Variants in ZNF69 observed in about 807,000 individuals in gnomAD.
ZNF69 encodes the protein ZNF3.
ZNF69 carries 47 observed loss-of-function variants against 50.9 expected under a neutral mutation model. That is an observed-to-expected ratio of 0.92 (90% CI 0.73 to 1.18). ZNF69 has a LOEUF of 1.18. Ranked by LOEUF, ZNF69 falls within the 50% of genes most tolerant of loss-of-function variation. The probability of loss-of-function intolerance (pLI) is 0.00; values close to 1 mark genes in which losing one functional copy is unlikely to be tolerated. For missense variants in ZNF69, 717 were observed against 675.1 expected (o/e 1.06, Z -0.69); for synonymous variants, 216 against 223.1 (o/e 0.97, Z 0.29).
the ZNF69 span, among the ~76,000 whole-genome samples, chr19:11,958,771 G>A: frequency 2.3e-4 from 35 of 152,198 alleles, no homozygotes; most frequent in Non-Finnish European, 5.9e-5. Flanking sequence ...CTGTGGGTGA[G>A]GCAGGCTGCC....
chr19:11,970,837 A>G, the ZNF69 span, among the ~76,000 whole-genome samples: 2 of 152,214 alleles, frequency 1.3e-5, no homozygotes, highest in East Asian at 3.8e-4. Flanking sequence ...AGGCTGAGGC[A>G]GGAGAATCGC....
Position 11,906,212 on chromosome 19 carries a change from G to T in ZNF69, c.*114G>T. 6.5e-7 allele frequency: 1 copy of T among 1,530,516 alleles called. No homozygotes were observed. The highest frequency in any genetic ancestry group is 8.7e-7 in the Non-Finnish European group (1 of 1,146,818). 94.8% of individuals were successfully genotyped at this position (1,530,516 alleles called of 1,614,324 possible). On this transcript the variant is annotated 3_prime_UTR_variant, in exon 4 of 4. Transcript: ENST00000429654. ...CCCTTCAGGTCTGCCCAGAACCTTC[G>T]AATTCAGTAAAGGACACAAGCACAC...
chr19:11,956,962 T>A, the ZNF69 span, among the ~76,000 whole-genome samples: 1 of 152,124 alleles, frequency 6.6e-6, no homozygotes, highest in African/African-American at 2.4e-5. Context: ...GAACCTCAGA[T>A]CCCTGGAAAG....
the ZNF69 span, among the ~76,000 whole-genome samples, chr19:11,923,051 A>G: frequency 6.6e-6 from 1 of 152,144 alleles, no homozygotes; most frequent in Admixed American, 6.6e-5. Context: ...TTCGGGCTTC[A>G]AGTGATCCTG....
chr19:11,974,439 C>T, the ZNF69 span, among the ~76,000 whole-genome samples: 1 of 151,772 alleles, frequency 6.6e-6, no homozygotes, highest in Non-Finnish European at 1.5e-5. Flanking sequence ...TCAGGTGATC[C>T]ACCCGCCTTG....
At chr19:11,963,764 G>A in the ZNF69 span, among the ~76,000 whole-genome samples, 1 of 151,998 alleles carries the variant, frequency 6.6e-6, no homozygotes, top group Non-Finnish European at 1.5e-5. Flanking sequence ...CCCGGGCTCC[G>A]GGCCCTAGAT....
the ZNF69 span, among the ~76,000 whole-genome samples, chr19:11,924,059 A>G: frequency 6.6e-6 from 1 of 152,056 alleles, no homozygotes; most frequent in Non-Finnish European, 1.5e-5. Context: ...CTGGTGTTGT[A>G]CCTCTGGAGC....
the ZNF69 span, among the ~76,000 whole-genome samples, chr19:11,960,635 A>G: frequency 6.6e-6 from 1 of 151,378 alleles, no homozygotes; most frequent in Non-Finnish European, 1.5e-5. Context: ...ATATCTGTAC[A>G]TGTTTCTGAC....
At chr19:11,925,281 T>A in the ZNF69 span, 13 of 1,611,500 alleles carry the variant, frequency 8.1e-6, no homozygotes, top group Admixed American at 8.3e-5. Flanking sequence ...ATGGTGCGTG[T>A]GCGGGACCAG....
chr19:11,947,249 C>T, the ZNF69 span: 1 of 1,613,980 alleles, frequency 6.2e-7, no homozygotes, highest in Non-Finnish European at 8.5e-7. Context: ...TGGATATTTC[C>T]CAGAAGAATC....
At chr19:11,930,592 G>C in the ZNF69 span, among the ~76,000 whole-genome samples, 14 of 148,724 alleles carry the variant, frequency 9.4e-5, no homozygotes, top group Non-Finnish European at 2.1e-4. Flanking sequence ...ATGACAGGTA[G>C]TGGATTGATT....
intron 1 of ZNF69, among the ~76,000 whole-genome samples, chr19:11,896,217 T>TAAAAAA (rs138289885): frequency 1.6e-5 from 1 of 63,858 alleles, no homozygotes; most frequent in African/African-American, 7.0e-5. Context: ...GAAACTCCAT[T>TAAAAAA]AAAAAAAAAA....
At chr19:11,930,540 T>A in the ZNF69 span, among the ~76,000 whole-genome samples, 1 of 148,696 alleles carries the variant, frequency 6.7e-6, no homozygotes, top group Non-Finnish European at 1.5e-5. Context: ...GAACTCACTA[T>A]AACCGGCAAC....
chr19:11,909,699 T>C (rs1188462065), downstream of ZNF69, among the ~76,000 whole-genome samples: 3 of 152,034 alleles, frequency 2.0e-5, no homozygotes, highest in Non-Finnish European at 4.4e-5. Context: ...ATGACAAACC[T>C]ACAGTCAATA....
At chr19:11,923,307 A>G in the ZNF69 span, among the ~76,000 whole-genome samples, 14 of 152,146 alleles carry the variant, frequency 9.2e-5, no homozygotes, top group Admixed American at 2.0e-4. Flanking sequence ...TTGTCATCAG[A>G]GCCTTCCTCT....
intron 4 of ZNF69, among the ~76,000 whole-genome samples, chr19:11,912,801 AG>A (rs1256367552): frequency 8.5e-5 from 13 of 152,250 alleles, no homozygotes; most frequent in Admixed American, 8.5e-4. Flanking sequence ...AGTATGGGAA[AG>A]CATTCAGACC....
chr19:11,964,925 C>T, the ZNF69 span: 3 of 441,710 alleles, frequency 6.8e-6, no homozygotes, highest in South Asian at 7.2e-5. Flanking sequence ...GCCTGATACC[C>T]AAGGCTTCCG....
the ZNF69 span, among the ~76,000 whole-genome samples, chr19:11,964,157 G>C: frequency 6.6e-6 from 1 of 152,224 alleles, no homozygotes; most frequent in East Asian, 1.9e-4. Context: ...TTCCCGGGCA[G>C]CCCGCCCTCC....
the ZNF69 span, chr19:11,925,085 C>T: frequency 1.6e-5 from 17 of 1,094,874 alleles, no homozygotes; most frequent in South Asian, 1.2e-4. Context: ...ACAGTTCATC[C>T]GGAAATGGAG....
Sources: gnomAD v4.1 joint callset for allele counts (sites outside exome capture counted in the v4.1 genomes callset) on GRCh38, gnomAD v4.1.1 for gene constraint, MANE v1.5 for transcripts, NCBI Gene and HGNC (gene_info 2026-07-23, HGNC 2026-07-21) for gene names.